The following NDUFAF6 variants were observed in gnomAD, a reference collection of about 807,000 sequenced individuals.
The protein encoded by NDUFAF6 is NADH dehydrogenase (ubiquinone) complex I, assembly factor 6.
NDUFAF6 carries 45 observed loss-of-function variants against 40.8 expected under a neutral mutation model. The observed-to-expected ratio is 1.10, with a 90% CI of 0.87 to 1.42. NDUFAF6 has a LOEUF of 1.42. NDUFAF6 is among the 40% of genes most tolerant of loss of function. NDUFAF6 has a pLI of 0.00. For missense variants in NDUFAF6, 435 were observed against 418.5 expected (o/e 1.04, Z -0.34); for synonymous variants, 185 against 155.9 (o/e 1.19, Z -1.39).
intron 1 of NDUFAF6, among the ~76,000 whole-genome samples, chr8:94,906,623 C>G (rs1818409101): frequency 6.6e-6 from 1 of 152,158 alleles, no homozygotes; most frequent in African/African-American, 2.4e-5. Context: ...GAATGTTCAC[C>G]TGGGGGACCT....
intron 1 of NDUFAF6, chr8:94,927,288 G>A (rs1182090573): frequency 1.3e-5 from 2 of 152,436 alleles, no homozygotes; most frequent in African/African-American, 4.8e-5. Context: ...TCATTGAGGA[G>A]GAAGAGAAGT....
intron 2 of NDUFAF6, among the ~76,000 whole-genome samples, chr8:95,000,662 G>T (rs552522516): frequency 1.3e-5 from 2 of 151,040 alleles, no homozygotes; most frequent in Non-Finnish European, 2.9e-5. Context: ...CTGGCTGGGC[G>T]TCGTGGCTTA....
intron 1 of NDUFAF6, among the ~76,000 whole-genome samples, chr8:94,937,731 G>A (rs892450182): frequency 1.3e-5 from 2 of 152,152 alleles, no homozygotes; most frequent in African/African-American, 4.8e-5. Context: ...GCAAGAAGCT[G>A]TAACTATGTT....
intron 2 of NDUFAF6, among the ~76,000 whole-genome samples, chr8:94,983,729 T>C (rs1022564050): frequency 6.6e-6 from 1 of 152,200 alleles, no homozygotes; most frequent in Non-Finnish European, 1.5e-5. Flanking sequence ...TCTAAGATCA[T>C]ACTATGAGTG....
chr8:95,056,887 C>T (rs1432796231), intron 8 of NDUFAF6, among the ~76,000 whole-genome samples: 2 of 133,314 alleles, frequency 1.5e-5, no homozygotes, highest in Non-Finnish European at 3.1e-5. Context: ...GCCTGGGTAA[C>T]ACAGCGAGAC....
At chr8:94,938,388 G>T (rs1281205409) in intron 1 of NDUFAF6, among the ~76,000 whole-genome samples, 1 of 152,134 alleles carries the variant, frequency 6.6e-6, no homozygotes, top group African/African-American at 2.4e-5. Flanking sequence ...ATATATATTC[G>T]GTCTTGTCAG....
intron 4 of NDUFAF6, among the ~76,000 whole-genome samples, chr8:95,109,506 C>T (rs1809932068): frequency 6.6e-6 from 1 of 152,048 alleles, no homozygotes; most frequent in Admixed American, 6.6e-5. Context: ...GAATGCCTTA[C>T]AATTCCATGA....
chr8:94,956,550 G>C (rs887338691), upstream of NDUFAF6, among the ~76,000 whole-genome samples: 5 of 152,148 alleles, frequency 3.3e-5, no homozygotes, highest in Non-Finnish European at 5.9e-5. Context: ...ATGCAAACCA[G>C]AATGAAAAGT....
chr8:94,949,927 C>T (rs918849123), intron 2 of NDUFAF6: 1 of 152,246 alleles, frequency 6.6e-6, no homozygotes, highest in African/African-American at 2.4e-5. Flanking sequence ...CTGCTGGGCC[C>T]CAGATAGAGG....
At chr8:94,939,767 T>C in intron 1 of NDUFAF6, 1 of 1,522,980 alleles carries the variant, frequency 6.6e-7, no homozygotes, top group Non-Finnish European at 8.8e-7. Context: ...AAAATTAGTT[T>C]TGCATCTTCT....
chr8:95,086,539 A>G (rs1809047796), intron 2 of NDUFAF6, among the ~76,000 whole-genome samples: 1 of 151,836 alleles, frequency 6.6e-6, no homozygotes, highest in Admixed American at 6.6e-5. Context: ...CCTCAGTGGG[A>G]AGGCAAACCT....
Position 95,027,605 on chromosome 8 carries a change from G to T in NDUFAF6, c.197+2400G>T, listed in dbSNP as rs1006319641. Reference sequence around the variant, plus strand: ...AAAAAAAAAAAAAAAAAAAGATTCGGTTTTTTCCTCATTTGTAAATGTTTA... The same window carrying T: ...AAAAAAAAAAAAAAAAAAAGATTCGTTTTTTTCCTCATTTGTAAATGTTTA... On this transcript the variant is annotated intron_variant, in intron 1 of 8. Transcript: ENST00000396124. Among the ~76,000 whole-genome samples, 19 of 151,468 alleles carry T rather than the reference G, an allele frequency of 1.3e-4. No individual in the cohort carries two copies. In the East Asian group the frequency reaches 1.9e-3, roughly 15 times the overall value.
At chr8:95,003,327 C>T (rs1826819789) in intron 2 of NDUFAF6, among the ~76,000 whole-genome samples, 1 of 152,222 alleles carries the variant, frequency 6.6e-6, no homozygotes, top group Admixed American at 6.5e-5. Flanking sequence ...CATTAGAACA[C>T]TGATAATGGA....
intron 4 of NDUFAF6, among the ~76,000 whole-genome samples, chr8:95,045,014 A>C (rs1830572897): frequency 6.6e-6 from 1 of 151,932 alleles, no homozygotes; most frequent in South Asian, 2.1e-4. Flanking sequence ...TTCTTTTTCT[A>C]GGTACCTTTT....
chr8:95,035,613 ATAT>A, intron 3 of NDUFAF6, 37 bp downstream of exon 3: 1 of 1,586,112 alleles, frequency 6.3e-7, no homozygotes, highest in South Asian at 1.1e-5. Context: ...ATTTGTATGA[ATAT>A]TATTCGAGTC....
chr8:95,100,529 G>C (rs1474715113), intron 1 of NDUFAF6: 1 of 152,152 alleles, frequency 6.6e-6, no homozygotes, highest in Admixed American at 6.5e-5. Flanking sequence ...CTGATTTACT[G>C]TAAGTCTTAG....
chr8:94,930,184 C>A, intron 1 of NDUFAF6: 2 of 289,860 alleles, frequency 6.9e-6, no homozygotes, highest in South Asian at 8.8e-5. Flanking sequence ...CTTTAAAATG[C>A]TGACTAATGT....
rs1480413096 is a variant in NDUFAF6, at chr8:94,932,028, A to G, written c.-935-13455A>G. On this transcript the variant is annotated intron_variant, in intron 1 of 14. Transcript: ENST00000396113. The stretch of plus-strand genomic sequence containing the variant: ...CAGCATTTGGGTCCTTTGCCTCCCT[A>G]TGCATACATATATCACACAGTCTCA... 7 of 1,587,000 alleles carry G rather than the reference A, an allele frequency of 4.4e-6. No individual in the cohort carries two copies. In the East Asian group the frequency reaches 1.6e-4, roughly 36 times the overall value.
chr8:95,072,420 C>A (rs1354026230), intron 9 of NDUFAF6, among the ~76,000 whole-genome samples: 2 of 152,222 alleles, frequency 1.3e-5, no homozygotes, highest in African/African-American at 4.8e-5. Flanking sequence ...TCTTAGTTAC[C>A]CTTGTAACAG....
Sources: allele counts gnomAD v4.1 joint callset (sites outside exome capture counted in the v4.1 genomes callset), GRCh38; gene constraint gnomAD v4.1.1; transcripts MANE v1.5; gene names NCBI Gene and HGNC (gene_info 2026-07-23, HGNC 2026-07-21).